Variants in COG7 observed in about 807,000 individuals in gnomAD.
COG7 encodes the protein conserved oligomeric Golgi complex subunit 7.
COG7 carries 49 observed loss-of-function variants against 91.5 expected under a neutral mutation model. The observed-to-expected ratio is 0.54, with a 90% confidence interval of 0.43 to 0.68. The LOEUF is 0.68. Among genes scored for constraint, COG7 ranks in the 30% least tolerant of loss-of-function variants. COG7 has a pLI of 0.00. For missense variants in COG7, 895 were observed against 961.3 expected (o/e 0.93, Z 0.91); for synonymous variants, 365 against 388.7 (o/e 0.94, Z 0.72).
At chr16:23,451,100 G>A (rs1266458672) in intron 1 of COG7, among the ~76,000 whole-genome samples, 1 of 152,202 alleles carries the variant, frequency 6.6e-6, no homozygotes, top group Non-Finnish European at 1.5e-5. Flanking sequence ...GGTAGAGGCA[G>A]GAGAATAACT....
At position 23,435,047 on chromosome 16, in the gene COG7, AT is replaced by A. The variant is rs375408295; in HGVS notation, c.605-330del. ...ACACACTGAACTGCTATATGTCAACATATCTGGTGGTTTGAGGAATAAGTAA... is the reference window on the plus strand; with the variant it reads ...ACACACTGAACTGCTATATGTCAACAATCTGGTGGTTTGAGGAATAAGTAA... On this transcript the variant is annotated intron_variant, in intron 4 of 16. Transcript: ENST00000307149. Among the ~76,000 whole-genome samples, 10 of 152,320 alleles carry A rather than the reference AT, an allele frequency of 6.6e-5. No individual in the cohort carries two copies. In the East Asian group the frequency reaches 1.5e-3, roughly 23 times the overall value.
chr16:23,407,783 C>T (rs78822016), intron 11 of COG7, among the ~76,000 whole-genome samples: 2 of 151,958 alleles, frequency 1.3e-5, no homozygotes, highest in African/African-American at 2.4e-5. Flanking sequence ...ACCAGGTCTT[C>T]GGGGGACAGT....
intron 15 of COG7, 21 bp downstream of exon 15, chr16:23,393,212 C>T (rs1424883825): frequency 6.4e-7 from 1 of 1,574,116 alleles, no homozygotes; most frequent in East Asian, 2.2e-5. Flanking sequence ...TGTAACATCG[C>T]CAGAAACGGT....
At position 23,434,735 on chromosome 16, in the gene COG7, G is replaced by GAA; in HGVS notation, c.605-18_605-17insTT. ...TGGACTGATCTAAAGAACATACAATGTATATATACTGTTACCAGCCTTTCT... is the reference window on the plus strand; with the variant it reads ...TGGACTGATCTAAAGAACATACAATGAATATATATACTGTTACCAGCCTTTCT... On this transcript the variant is annotated splice_polypyrimidine_tract_variant and intron_variant, in intron 4 of 16. Coordinates refer to ENST00000307149, the MANE Select transcript of COG7 (RefSeq NM_153603.4). The GAA allele has an allele frequency of 6.4e-7, 1 of 1,561,702 alleles. No individual in the cohort carries two copies. The highest frequency in any genetic ancestry group is 2.2e-5 in the East Asian group (1 of 44,616).
At chr16:23,397,471 C>T (rs1174881911) in intron 14 of COG7, among the ~76,000 whole-genome samples, 1 of 152,190 alleles carries the variant, frequency 6.6e-6, no homozygotes, top group Non-Finnish European at 1.5e-5. Context: ...GTCTGGGTGA[C>T]TGTCAATTCC....
At chr16:23,409,097 G>A (rs561063217) in intron 11 of COG7, among the ~76,000 whole-genome samples, 61 of 136,156 alleles carry the variant, frequency 4.5e-4, no homozygotes, top group Admixed American at 3.9e-3. Flanking sequence ...GTGCGTGCAT[G>A]TGTGTGTGTG....
chr16:23,392,430 T>TG lies in COG7; in HGVS notation c.2095dup (p.Gln699ProfsTer4). On this transcript the variant is annotated frameshift_variant, in exon 16 of 17. Transcript: ENST00000307149. LOFTEE classifies it high-confidence loss of function. ...AGAGTGTGGGCTCAGCTCAGGGATC[T>TG]GTAGGATCGCATCACAGTAGGTCTG... is the stretch of plus-strand genomic sequence containing the variant. 1.2e-6 allele frequency: 2 copies of TG among 1,614,194 alleles called. No individual in the cohort carries two copies. Among genetic ancestry groups the TG allele is most frequent in the South Asian group, 2.2e-5 (2 of 91,088 alleles).
At chr16:23,396,582 A>G (rs573334696) in intron 14 of COG7, among the ~76,000 whole-genome samples, 70 of 152,120 alleles carry the variant, frequency 4.6e-4, no homozygotes, top group African/African-American at 1.6e-3. Context: ...GGAAGGCTGT[A>G]GCAGGAGAAT....
At chr16:23,447,711 C>G (rs1189950987) in intron 1 of COG7, among the ~76,000 whole-genome samples, 1 of 151,646 alleles carries the variant, frequency 6.6e-6, no homozygotes, top group Non-Finnish European at 1.5e-5. Flanking sequence ...ACCAGCCTGG[C>G]CAACGTGGTG....
chr16:23,443,916 C>A (rs1964141883), intron 3 of COG7, among the ~76,000 whole-genome samples: 1 of 151,996 alleles, frequency 6.6e-6, no homozygotes, highest in African/African-American at 2.4e-5. Context: ...CTTTGGGAGG[C>A]CGAGGAGGGC....
At chr16:23,389,888 A>T (rs1047387098) in intron 16 of COG7, 5 of 152,254 alleles carry the variant, frequency 3.3e-5, no homozygotes, top group Admixed American at 6.5e-5. Context: ...AACAGACAGC[A>T]TGGGGGAGCA....
At chr16:23,440,992 T>C (rs776856250) in intron 4 of COG7, among the ~76,000 whole-genome samples, 8 of 151,304 alleles carry the variant, frequency 5.3e-5, no homozygotes, top group African/African-American at 1.7e-4. Context: ...ATGATATATA[T>C]GGAGAGGGAA....
At chr16:23,410,166 T>TACAG in intron 11 of COG7, 129 bp downstream of exon 11, 1 of 745,368 alleles carries the variant, frequency 1.3e-6, no homozygotes, top group Non-Finnish European at 2.4e-6. Flanking sequence ...TGTATCTAGG[T>TACAG]ACAGACAGTC....
intron 1 of COG7, among the ~76,000 whole-genome samples, chr16:23,448,102 C>T (rs576645771): frequency 1.3e-5 from 2 of 152,114 alleles, no homozygotes; most frequent in African/African-American, 4.8e-5. Flanking sequence ...TGTGCTTGAA[C>T]GGCTACAATC....
intron 12 of COG7, 23 bp from the exon 13 acceptor site, chr16:23,403,857 G>C: frequency 1.2e-6 from 2 of 1,614,092 alleles, no homozygotes; most frequent in Non-Finnish European, 1.7e-6. Flanking sequence ...AATGCAAAAG[G>C]CAGTTGTTAG....
chr16:23,434,145 C>T (rs1226725141), intron 5 of COG7, among the ~76,000 whole-genome samples: 2 of 152,144 alleles, frequency 1.3e-5, no homozygotes, highest in African/African-American at 4.8e-5. Context: ...TGGAGTGGCA[C>T]GCGCCTGTAG....
At chr16:23,399,520 C>T (rs772772521) in intron 13 of COG7, among the ~76,000 whole-genome samples, 23 of 152,040 alleles carry the variant, frequency 1.5e-4, no homozygotes, top group Non-Finnish European at 7.4e-5. Context: ...GGAAGCAAGA[C>T]CCCCTGACAT....
At chr16:23,428,253 G>A (rs917198128) in intron 6 of COG7, among the ~76,000 whole-genome samples, 3 of 152,070 alleles carry the variant, frequency 2.0e-5, no homozygotes, top group South Asian at 2.1e-4. Context: ...GGAGGCTGAG[G>A]CAGGAGAATT....
At chr16:23,405,517 C>CTTT (rs869133051) in intron 12 of COG7, among the ~76,000 whole-genome samples, 1 of 139,170 alleles carries the variant, frequency 7.2e-6, no homozygotes, top group African/African-American at 2.6e-5. Flanking sequence ...CTCTTTTTTC[C>CTTT]TTTTTTTTTT....
Sources: gnomAD v4.1 joint callset for allele counts (sites outside exome capture counted in the v4.1 genomes callset) on GRCh38, gnomAD v4.1.1 for gene constraint, MANE v1.5 for transcripts, NCBI Gene and HGNC (gene_info 2026-07-23, HGNC 2026-07-21) for gene names.